GRID2: variants seen among roughly 807,000 people sequenced by gnomAD.
GRID2 encodes glutamate receptor ionotropic, delta-2.
In GRID2, 33 loss-of-function variants were observed where a neutral mutation model predicts 114.8. The ratio of observed to expected loss-of-function variants is 0.29; its 90% CI spans 0.22 to 0.38. The LOEUF (loss-of-function observed/expected upper bound fraction) is 0.38. Ranked by LOEUF, GRID2 falls within the 10% of genes least tolerant of loss-of-function variation. The probability of loss-of-function intolerance (pLI) is 1.00; values close to 1 mark genes in which losing one functional copy is unlikely to be tolerated. For missense variants in GRID2, 1,184 were observed against 1,257.7 expected (o/e 0.94, Z 0.89); for synonymous variants, 505 against 449.9 (o/e 1.12, Z -1.55).
intron 13 of GRID2, among the ~76,000 whole-genome samples, chr4:93,520,210 T>C (rs1357187985): frequency 6.6e-6 from 1 of 152,154 alleles, no homozygotes; most frequent in African/African-American, 2.4e-5. Context: ...CAAGTCTCTG[T>C]TCTAGGCATT....
At chr4:92,640,958 T>C (rs527585766) in intron 2 of GRID2, among the ~76,000 whole-genome samples, 156 of 152,006 alleles carry the variant, frequency 1.0e-3, no homozygotes, top group African/African-American at 3.7e-3. Context: ...TCTGTTTTAA[T>C]ATAAGGTGTG....
intron 1 of GRID2, among the ~76,000 whole-genome samples, chr4:92,385,899 TG>T (rs1440096532): frequency 3.5e-4 from 9 of 25,874 alleles, no homozygotes; most frequent in Admixed American, 6.2e-4. Flanking sequence ...TGTGTGTGTG[TG>T]TATATATATA....
chr4:93,114,336 T>C (rs763946288), intron 4 of GRID2, among the ~76,000 whole-genome samples: 16 of 152,172 alleles, frequency 1.1e-4, no homozygotes, highest in Non-Finnish European at 1.8e-4. Context: ...GATCTTAACT[T>C]CTCACCTTGT....
At position 93,515,258 on chromosome 4, in the gene GRID2, C is replaced by A; in HGVS notation, c.2040C>A (p.Gly680=). The A allele has an allele frequency of 1.2e-6, 2 of 1,603,400 alleles. No homozygotes were observed. Among genetic ancestry groups the A allele is most frequent in the Non-Finnish European group, 1.7e-6 (2 of 1,173,648 alleles). ...CCAAGCAAACAGAAATCCCTTATGG[C>A]ACAGTCCTAGACTCTGCGGTATATG... The part of the protein sequence containing the change: ...DLSKQTEIPY[G]TVLDSAVYEH... Residue 680 remains glycine (G), a synonymous_variant, in exon 13 of 16, where the codon GGC becomes GGA. Coordinates refer to ENST00000282020, the MANE Select transcript of GRID2 (RefSeq NM_001510.4).
intron 13 of GRID2, among the ~76,000 whole-genome samples, chr4:93,523,205 C>T (rs1730506623): frequency 6.6e-6 from 1 of 152,058 alleles, no homozygotes; most frequent in African/African-American, 2.4e-5. Flanking sequence ...AGACCACAGG[C>T]AATGCAGTAT....
intron 2 of GRID2, among the ~76,000 whole-genome samples, chr4:92,952,992 T>G (rs1752140547): frequency 6.6e-6 from 1 of 152,188 alleles, no homozygotes; most frequent in African/African-American, 2.4e-5. Flanking sequence ...ACTGGCATTT[T>G]TTTTTACTTT....
chr4:93,513,627 A>C (rs1385547468), intron 12 of GRID2, among the ~76,000 whole-genome samples: 1 of 152,188 alleles, frequency 6.6e-6, no homozygotes, highest in Non-Finnish European at 1.5e-5. Context: ...TTCTCTTCAG[A>C]TAGGATGATT....
intron 2 of GRID2, among the ~76,000 whole-genome samples, chr4:93,076,135 T>A (rs1729272168): frequency 6.6e-6 from 1 of 152,042 alleles, no homozygotes; most frequent in South Asian, 2.1e-4. Flanking sequence ...TCTGACCTAG[T>A]GATCAGCCTG....
intron 4 of GRID2, among the ~76,000 whole-genome samples, chr4:93,201,887 T>A (rs1742143842): frequency 1.3e-5 from 2 of 152,224 alleles, no homozygotes; most frequent in Admixed American, 6.5e-5. Flanking sequence ...TGGTCTGTCC[T>A]TACTCATTGC....
intron 7 of GRID2, among the ~76,000 whole-genome samples, chr4:93,230,815 A>G (rs1746042655): frequency 6.6e-6 from 1 of 152,120 alleles, no homozygotes; most frequent in Non-Finnish European, 1.5e-5. Flanking sequence ...AATTAATATT[A>G]TATAAACCCT....
At chr4:93,487,620 A>G (rs1726544854) in intron 11 of GRID2, among the ~76,000 whole-genome samples, 1 of 151,692 alleles carries the variant, frequency 6.6e-6, no homozygotes, top group South Asian at 2.1e-4. Flanking sequence ...TTTTATTACC[A>G]CCTAACCATT....
At chr4:92,567,894 C>G (rs77390787) in intron 1 of GRID2, among the ~76,000 whole-genome samples, 1 of 152,012 alleles carries the variant, frequency 6.6e-6, no homozygotes, top group East Asian at 1.9e-4. Flanking sequence ...GCAAACAAAA[C>G]CCCTTGCCCT....
At chr4:92,461,133 G>C (rs1193749954) in intron 1 of GRID2, among the ~76,000 whole-genome samples, 1 of 151,466 alleles carries the variant, frequency 6.6e-6, no homozygotes, top group East Asian at 1.9e-4. Flanking sequence ...ACTGAGTAAT[G>C]AAAGAATAAG....
chr4:93,092,765 T>G (rs1328378692), intron 3 of GRID2, among the ~76,000 whole-genome samples: 1 of 151,994 alleles, frequency 6.6e-6, no homozygotes, highest in East Asian at 1.9e-4. Flanking sequence ...TACTCTGTAG[T>G]TCTCTAAGTG....
At chr4:92,975,154 C>T (rs1474592305) in intron 2 of GRID2, among the ~76,000 whole-genome samples, 1 of 21,848 alleles carries the variant, frequency 4.6e-5, no homozygotes. Flanking sequence ...GAGATTCCGC[C>T]TCAAAAAAAA....
chr4:92,373,588 CA>C (rs1310123696), intron 1 of GRID2, among the ~76,000 whole-genome samples: 2 of 152,130 alleles, frequency 1.3e-5, no homozygotes, highest in Non-Finnish European at 2.9e-5. Context: ...TTTTCTAGCT[CA>C]ACATCTTGCT....
At chr4:93,212,583 C>G (rs1192128933) in intron 5 of GRID2, among the ~76,000 whole-genome samples, 1 of 152,108 alleles carries the variant, frequency 6.6e-6, no homozygotes, top group Non-Finnish European at 1.5e-5. Context: ...AAGACGTGCA[C>G]TGTTCAGAGC....
chr4:92,557,660 T>TATATATATAA (rs969259117), intron 1 of GRID2, among the ~76,000 whole-genome samples: 2 of 149,878 alleles, frequency 1.3e-5, no homozygotes, highest in African/African-American at 4.9e-5. Flanking sequence ...TATATATATA[T>TATATATATAA]AACCAAACTG....
At chr4:92,907,805 C>G (rs960302029) in intron 2 of GRID2, among the ~76,000 whole-genome samples, 7 of 152,054 alleles carry the variant, frequency 4.6e-5, no homozygotes, top group African/African-American at 1.7e-4. Flanking sequence ...GGGCAGATCA[C>G]CTGAGGTTAG....
Sources: gnomAD v4.1 joint callset for allele counts (sites outside exome capture counted in the v4.1 genomes callset) on GRCh38, gnomAD v4.1.1 for gene constraint, MANE v1.5 for transcripts, NCBI Gene and HGNC (gene_info 2026-07-23, HGNC 2026-07-21) for gene names.